The following LEF1 variants were observed in gnomAD, a reference collection of about 807,000 sequenced individuals.
The protein encoded by LEF1 is lymphoid enhancer binding factor 1, also known as lymphoid enhancer-binding factor 1.
LEF1 carries 14 observed loss-of-function variants against 51.2 expected under a neutral mutation model. The ratio of observed to expected loss-of-function variants is 0.27; its 90% confidence interval spans 0.18 to 0.43. LEF1 has a LOEUF of 0.43. LEF1 is among the 20% of genes least tolerant of loss of function. The pLI is 1.00. For synonymous variants in LEF1, 185 were observed against 183.2 expected, an observed-to-expected ratio of 1.01 and a Z score of -0.08; for missense variants, 386 against 512.0, an observed-to-expected ratio of 0.75 and a Z score of 2.37.
At chr4:108,099,560 G>A (rs796170865) in intron 3 of LEF1, among the ~76,000 whole-genome samples, 2,869 of 32,514 alleles carry the variant, frequency 0.088, 250 homozygotes, top group African/African-American at 0.21. Flanking sequence ...GTGTGTATGT[G>A]TGTGTGTGTG....
intron 8 of LEF1, among the ~76,000 whole-genome samples, chr4:108,076,501 G>A (rs755058046): frequency 3.3e-5 from 5 of 151,976 alleles, no homozygotes; most frequent in African/African-American, 7.2e-5. Context: ...TCAGCCTCCC[G>A]AGTAGCTGAG....
intron 3 of LEF1, among the ~76,000 whole-genome samples, chr4:108,156,873 G>A (rs893876308): frequency 6.6e-6 from 1 of 150,492 alleles, no homozygotes; most frequent in East Asian, 1.9e-4. Flanking sequence ...TAGGAGGGGG[G>A]TGATGATGAG....
At chr4:108,165,529 T>C (rs956980851) in intron 1 of LEF1, among the ~76,000 whole-genome samples, 1 of 152,224 alleles carries the variant, frequency 6.6e-6, no homozygotes, top group Admixed American at 6.5e-5. Context: ...ATGGTTTCGA[T>C]AGCCTCTTCA....
At chr4:108,103,702 T>G (rs978660982) in intron 3 of LEF1, among the ~76,000 whole-genome samples, 1 of 152,238 alleles carries the variant, frequency 6.6e-6, no homozygotes, top group Non-Finnish European at 1.5e-5. Context: ...AATAATGTTT[T>G]CTTTTGCTTA....
At chr4:108,163,486 G>C in intron 3 of LEF1, 82 bp downstream of exon 3, 1 of 1,459,566 alleles carries the variant, frequency 6.9e-7, no homozygotes, top group Non-Finnish European at 9.4e-7. Flanking sequence ...TTACCAATGA[G>C]TTTGGAAAAA....
chr4:108,139,696 G>A (rs557402119), intron 3 of LEF1, among the ~76,000 whole-genome samples: 2 of 152,234 alleles, frequency 1.3e-5, no homozygotes, highest in Admixed American at 6.5e-5. Flanking sequence ...CTTTAGGGAC[G>A]TTAATAGAGG....
At chr4:108,081,807 G>T in intron 5 of LEF1, 138 bp from the exon 6 acceptor site, 1 of 650,710 alleles carries the variant, frequency 1.5e-6, no homozygotes, top group Non-Finnish European at 2.7e-6. Flanking sequence ...GATTGTTTCA[G>T]AAACGTAACC....
intron 1 of LEF1, chr4:108,166,222 C>T: frequency 6.6e-7 from 1 of 1,519,082 alleles, no homozygotes; most frequent in Non-Finnish European, 8.8e-7. Context: ...TAAAGAACAC[C>T]ATTCTGTTCT....
At chr4:108,078,647 T>C (rs1739078261) in intron 7 of LEF1, among the ~76,000 whole-genome samples, 1 of 152,144 alleles carries the variant, frequency 6.6e-6, no homozygotes, top group Admixed American at 6.5e-5. Flanking sequence ...GACCTGTCAT[T>C]ATAGAACTAT....
chr4:108,089,842 G>A (rs1391956679), intron 3 of LEF1, among the ~76,000 whole-genome samples: 1 of 152,092 alleles, frequency 6.6e-6, no homozygotes, highest in Non-Finnish European at 1.5e-5. Context: ...ATTCTTTCGA[G>A]TTTTATAGCT....
chr4:108,052,898 A>C (rs1737093472), intron 11 of LEF1, among the ~76,000 whole-genome samples: 1 of 152,176 alleles, frequency 6.6e-6, no homozygotes, highest in African/African-American at 2.4e-5. Context: ...CATTATCATC[A>C]TTACAGTTTG....
At chr4:108,053,570 G>A (rs1476772600) in intron 11 of LEF1, among the ~76,000 whole-genome samples, 1 of 152,164 alleles carries the variant, frequency 6.6e-6, no homozygotes, top group Non-Finnish European at 1.5e-5. Context: ...ACCAGACTTT[G>A]GCAATGTCAA....
intron 6 of LEF1, 55 bp downstream of exon 6, chr4:108,081,531 C>CAA: frequency 7.1e-7 from 1 of 1,418,270 alleles, no homozygotes; most frequent in Non-Finnish European, 1.0e-6. Flanking sequence ...GCACAGGATG[C>CAA]AAGCACGAGA....
rs773519468 is a variant in LEF1, at chr4:108,070,821, A to C, written c.1009-51T>G. The C allele has an allele frequency of 4.2e-6, 5 of 1,196,538 alleles. No individual in the cohort carries two copies. In the East Asian group the frequency reaches 1.2e-4, roughly 28 times the overall value. The allele number at this position is 1,196,538 out of a possible 1,614,324, so 74.1% of individuals were successfully genotyped here. ...AAACAAAAGTAAGCAAAATAGCAAT[A>C]GCATATTTTATGTTTCAAAAATCAA... is the stretch of plus-strand genomic sequence containing the variant. On this transcript the variant is annotated intron_variant, in intron 8 of 11. Coordinates refer to ENST00000265165, the MANE Select transcript of LEF1 (RefSeq NM_016269.5).
intron 4 of LEF1, among the ~76,000 whole-genome samples, chr4:108,084,754 A>C (rs898654861): frequency 2.0e-5 from 3 of 152,214 alleles, no homozygotes; most frequent in African/African-American, 7.2e-5. Context: ...TTTGTTAGAA[A>C]TACTGACTCT....
chr4:108,085,703 C>CTA (rs1739596761), intron 4 of LEF1, among the ~76,000 whole-genome samples: 1 of 151,756 alleles, frequency 6.6e-6, no homozygotes, highest in Admixed American at 6.6e-5. Flanking sequence ...AGGCGTTTGA[C>CTA]TCTATAGAAA....
intron 3 of LEF1, among the ~76,000 whole-genome samples, chr4:108,120,188 C>T (rs970185072): frequency 6.6e-6 from 1 of 151,912 alleles, no homozygotes; most frequent in African/African-American, 2.4e-5. Flanking sequence ...TGTGCCACCA[C>T]CCCCAGATAA....
intron 3 of LEF1, among the ~76,000 whole-genome samples, chr4:108,130,418 G>T (rs1197311075): frequency 6.6e-6 from 1 of 151,952 alleles, no homozygotes; most frequent in East Asian, 1.9e-4. Context: ...ACTGTTTATG[G>T]CTCATCAAAA....
At chr4:108,136,006 A>G (rs1743241595) in intron 3 of LEF1, among the ~76,000 whole-genome samples, 1 of 152,230 alleles carries the variant, frequency 6.6e-6, no homozygotes, top group African/African-American at 2.4e-5. Context: ...AGGTTGAATG[A>G]GCAAAAACTG....
Sources: allele counts gnomAD v4.1 joint callset (sites outside exome capture counted in the v4.1 genomes callset), GRCh38; gene constraint gnomAD v4.1.1; transcripts MANE v1.5; gene names NCBI Gene and HGNC (gene_info 2026-07-23, HGNC 2026-07-21).